Variants in DLGAP1 observed in about 807,000 individuals in gnomAD.
DLGAP1 encodes DLG associated protein 1.
In DLGAP1, 11 loss-of-function variants were observed where a neutral mutation model predicts 90.8. The observed-to-expected ratio is 0.12, with a 90% confidence interval of 0.08 to 0.20. The LOEUF (loss-of-function observed/expected upper bound fraction) is 0.20. Ranked by LOEUF, DLGAP1 falls within the 10% of genes least tolerant of loss-of-function variation. The pLI, the probability that DLGAP1 is intolerant of heterozygous loss-of-function variation, is 1.00. For synonymous variants in DLGAP1, 558 were observed against 540.7 expected, an observed-to-expected ratio of 1.03 and a Z score of -0.44; for missense variants, 1,050 against 1,333.8, an observed-to-expected ratio of 0.79 and a Z score of 3.31.
At chr18:3,974,267 G>T (rs1203618266) in intron 3 of DLGAP1, among the ~76,000 whole-genome samples, 1 of 151,792 alleles carries the variant, frequency 6.6e-6, no homozygotes, top group African/African-American at 2.4e-5. Context: ...GTAGAGACTG[G>T]GTTTCACCAT....
At chr18:3,557,487 A>G (rs556324069) in intron 9 of DLGAP1, among the ~76,000 whole-genome samples, 2 of 152,134 alleles carry the variant, frequency 1.3e-5, no homozygotes, top group Non-Finnish European at 1.5e-5. Flanking sequence ...ACACCACTGC[A>G]CTCCAGCCTG....
chr18:3,593,694 C>CGCCAGACAAAT (rs959350955), intron 7 of DLGAP1: 1 of 152,142 alleles, frequency 6.6e-6, no homozygotes, highest in African/African-American at 2.4e-5. Flanking sequence ...CACTTCCTAA[C>CGCCAGACAAAT]GCCAGACAAA....
At chr18:4,004,649 C>G (rs2074264117) in intron 3 of DLGAP1, among the ~76,000 whole-genome samples, 1 of 152,158 alleles carries the variant, frequency 6.6e-6, no homozygotes, top group Non-Finnish European at 1.5e-5. Context: ...TTCAACTGCA[C>G]AGTCTATAAT....
At chr18:3,893,512 G>A (rs1263096377) in intron 3 of DLGAP1, among the ~76,000 whole-genome samples, 2 of 151,730 alleles carry the variant, frequency 1.3e-5, no homozygotes, top group Non-Finnish European at 2.9e-5. Context: ...CTGGGAGGTG[G>A]AGGTTGCAGT....
intron 1 of DLGAP1, among the ~76,000 whole-genome samples, chr18:4,199,773 C>T (rs1273916207): frequency 6.6e-6 from 1 of 152,166 alleles, no homozygotes; most frequent in Non-Finnish European, 1.5e-5. Context: ...AGTTTTCCTT[C>T]CTGAAAATGT....
intron 7 of DLGAP1, among the ~76,000 whole-genome samples, chr18:3,652,731 TCA>T (rs935913909): frequency 1.3e-5 from 2 of 152,246 alleles, no homozygotes; most frequent in African/African-American, 4.8e-5. Context: ...TTCATTTTTT[TCA>T]TACGGGCTTT....
intron 1 of DLGAP1, among the ~76,000 whole-genome samples, chr18:4,384,874 T>C (rs2082198761): frequency 6.6e-6 from 1 of 152,198 alleles, no homozygotes. Context: ...GAAATTAGAA[T>C]ATCTTTGATG....
At chr18:3,833,433 C>T (rs2068180471) in intron 4 of DLGAP1, among the ~76,000 whole-genome samples, 1 of 151,956 alleles carries the variant, frequency 6.6e-6, no homozygotes, top group South Asian at 2.1e-4. Flanking sequence ...GGGGTTTTGC[C>T]ATGTTGCCCA....
At chr18:3,703,652 C>T (rs189659874) in intron 7 of DLGAP1, among the ~76,000 whole-genome samples, 16 of 152,252 alleles carry the variant, frequency 1.1e-4, no homozygotes, top group East Asian at 7.7e-4. Context: ...CTTCTCTTTT[C>T]GTTCTTTTTT....
intron 2 of DLGAP1, among the ~76,000 whole-genome samples, chr18:4,110,014 CA>C (rs1287118460): frequency 8.4e-6 from 1 of 119,740 alleles, no homozygotes; most frequent in Non-Finnish European, 1.7e-5. Flanking sequence ...CTCTCGTCTC[CA>C]AAAAAAAAGG....
intron 2 of DLGAP1, among the ~76,000 whole-genome samples, chr18:4,058,001 AACCCTGGAGTCTGC>A (rs1568373339): frequency 6.6e-6 from 1 of 152,188 alleles, no homozygotes; most frequent in Non-Finnish European, 1.5e-5. Flanking sequence ...AGGAAGGAAG[AACCCTGGAGTCTGC>A]ACTAAGTAGA....
intron 1 of DLGAP1, among the ~76,000 whole-genome samples, chr18:4,168,944 C>T (rs2144568928): frequency 6.6e-6 from 1 of 152,264 alleles, no homozygotes; most frequent in Middle Eastern, 3.4e-3. Context: ...TTTATCCATT[C>T]ATCCTCTTAT....
intron 3 of DLGAP1, among the ~76,000 whole-genome samples, chr18:3,930,002 A>G (rs2072480883): frequency 6.6e-6 from 1 of 152,244 alleles, no homozygotes; most frequent in African/African-American, 2.4e-5. Context: ...CAAAGCTTAC[A>G]GTGTCACCAG....
At chr18:4,057,765 CGCT>C (rs2075243372) in intron 2 of DLGAP1, among the ~76,000 whole-genome samples, 1 of 152,158 alleles carries the variant, frequency 6.6e-6, no homozygotes, top group Non-Finnish European at 1.5e-5. Context: ...ATGGATTCGC[CGCT>C]GCTATCATAC....
At chr18:4,144,785 T>G (rs970102679) in intron 2 of DLGAP1, among the ~76,000 whole-genome samples, 2 of 152,146 alleles carry the variant, frequency 1.3e-5, no homozygotes, top group Non-Finnish European at 2.9e-5. Context: ...AGGTAAAAAT[T>G]TTAGGTGAAA....
intron 2 of DLGAP1, among the ~76,000 whole-genome samples, chr18:4,025,054 T>C (rs962441683): frequency 6.6e-6 from 1 of 152,182 alleles, no homozygotes; most frequent in Non-Finnish European, 1.5e-5. Flanking sequence ...TAAGTACTTC[T>C]TGTGCACTTA....
intron 4 of DLGAP1, among the ~76,000 whole-genome samples, chr18:3,823,949 CAAAAAAAAAA>C (rs60286806): frequency 3.8e-4 from 14 of 36,558 alleles, no homozygotes; most frequent in East Asian, 1.4e-3. Flanking sequence ...GACTCCCTCT[CAAAAAAAAAA>C]AAAAAAAAAA....
intron 1 of DLGAP1, among the ~76,000 whole-genome samples, chr18:4,396,545 G>A (rs72864559): frequency 0.46 from 70,392 of 151,922 alleles, 17,007 homozygotes; most frequent in East Asian, 0.68. Context: ...AAGGTTTCCC[G>A]TAGATAAACC....
chr18:3,925,521 A>G (rs1483494817), intron 3 of DLGAP1, among the ~76,000 whole-genome samples: 1 of 152,118 alleles, frequency 6.6e-6, no homozygotes, highest in Non-Finnish European at 1.5e-5. Flanking sequence ...GGATTGTCAT[A>G]ACCTCATATT....
Sources: gnomAD v4.1 joint callset for allele counts (sites outside exome capture counted in the v4.1 genomes callset) on GRCh38, gnomAD v4.1.1 for gene constraint, MANE v1.5 for transcripts, NCBI Gene and HGNC (gene_info 2026-07-23, HGNC 2026-07-21) for gene names.